LEKR1: variants seen among roughly 807,000 people sequenced by gnomAD.
LEKR1 encodes the protein leucine, glutamate and lysine rich 1.
Under a neutral mutation model 72.4 loss-of-function variants are expected in LEKR1, and 59 were observed. The ratio of observed to expected loss-of-function variants is 0.82; its 90% confidence interval spans 0.66 to 1.01. The LOEUF is 1.01. LEKR1 is among the 50% of genes least tolerant of loss of function. The pLI is 0.00. For synonymous variants in LEKR1, 257 were observed against 263.2 expected (o/e 0.98, Z 0.23); for missense variants, 728 against 759.2 (o/e 0.96, Z 0.48).
intron 3 of LEKR1, among the ~76,000 whole-genome samples, chr3:156,875,600 C>G (rs939995191): frequency 1.3e-5 from 2 of 152,100 alleles, no homozygotes; most frequent in African/African-American, 4.8e-5. Context: ...AACTTAATGA[C>G]TACACCAACA....
intron 3 of LEKR1, among the ~76,000 whole-genome samples, chr3:156,917,979 T>C (rs540365269): frequency 6.6e-6 from 1 of 152,144 alleles, no homozygotes; most frequent in East Asian, 1.9e-4. Context: ...TGTCTGAAGG[T>C]GTCAGGAGAA....
chr3:156,916,275 A>G (rs1227783202), intron 3 of LEKR1, among the ~76,000 whole-genome samples: 1 of 152,058 alleles, frequency 6.6e-6, no homozygotes, highest in Non-Finnish European at 1.5e-5. Context: ...GTATTTTAAA[A>G]TAGTTTTTTT....
intron 5 of LEKR1, among the ~76,000 whole-genome samples, chr3:156,940,642 T>G (rs1266470058): frequency 6.6e-6 from 1 of 152,218 alleles, no homozygotes; most frequent in Non-Finnish European, 1.5e-5. Flanking sequence ...TTGAGTTTAC[T>G]TTTTCCTAAC....
At chr3:156,859,390 T>G (rs1377376495) in intron 3 of LEKR1, among the ~76,000 whole-genome samples, 1 of 152,234 alleles carries the variant, frequency 6.6e-6, no homozygotes, top group Non-Finnish European at 1.5e-5. Flanking sequence ...AAATTATAGT[T>G]TGTATCTTTA....
intron 10 of LEKR1, among the ~76,000 whole-genome samples, chr3:157,015,178 T>C (rs1483599050): frequency 6.6e-6 from 1 of 152,152 alleles, no homozygotes; most frequent in Non-Finnish European, 1.5e-5. Context: ...CTTGTCAGAT[T>C]CTTTGAGTTG....
chr3:156,853,076 A>G (rs1715595581), intron 3 of LEKR1, 94 bp downstream of exon 3: 1 of 743,824 alleles, frequency 1.3e-6, no homozygotes, highest in African/African-American at 1.8e-5. Flanking sequence ...ATTTCTCTAC[A>G]TCAGGTATAG....
At chr3:157,003,133 A>G (rs1732141121) in intron 9 of LEKR1, among the ~76,000 whole-genome samples, 1 of 152,206 alleles carries the variant, frequency 6.6e-6, no homozygotes, top group South Asian at 2.1e-4. Context: ...AGGAAACCTA[A>G]TTTAAGAAAT....
chr3:156,851,330 A>G (rs530922837), intron 2 of LEKR1: 2 of 152,328 alleles, frequency 1.3e-5, no homozygotes, highest in East Asian at 1.9e-4. Context: ...ACTGGTGCAC[A>G]CTTCAGGGAG....
intron 9 of LEKR1, among the ~76,000 whole-genome samples, chr3:157,001,347 G>C (rs1015612364): frequency 2.6e-5 from 4 of 152,152 alleles, no homozygotes; most frequent in African/African-American, 9.7e-5. Context: ...TTTAACAGAG[G>C]CAGGAGTTGT....
chr3:157,014,073 T>C (rs573248193), intron 10 of LEKR1, among the ~76,000 whole-genome samples: 12 of 152,216 alleles, frequency 7.9e-5, no homozygotes, highest in Non-Finnish European at 1.0e-4. Flanking sequence ...AGCAAATTAA[T>C]GTGGATGCTG....
Position 157,020,174 on chromosome 3 carries a change from C to T in LEKR1, c.1204-4586C>T, listed in dbSNP as rs1021043432. On this transcript the variant is annotated intron_variant, in intron 10 of 12. Transcript: ENST00000356539. ...AACTCGAGTAAAACAGAACATTCAG[C>T]TCATTCAAGCCATCAGCCATCACCT... is the stretch of plus-strand genomic sequence containing the variant. Among the ~76,000 whole-genome samples the T allele has an allele frequency of 7.9e-5, 12 of 151,910 alleles. 1 individual carries two copies. The highest frequency in any genetic ancestry group is 1.6e-4 in the Non-Finnish European group (11 of 67,994).
At chr3:157,040,141 G>T (rs951299538) in intron 12 of LEKR1, among the ~76,000 whole-genome samples, 4 of 152,196 alleles carry the variant, frequency 2.6e-5, no homozygotes, top group Non-Finnish European at 5.9e-5. Context: ...TTGACAGAAT[G>T]AGAAGATATA....
chr3:156,935,079 C>CAAG, intron 5 of LEKR1, among the ~76,000 whole-genome samples: 1 of 152,020 alleles, frequency 6.6e-6, no homozygotes, highest in South Asian at 2.1e-4. Flanking sequence ...GCCCATTTTG[C>CAAG]TTTTCATTTG....
chr3:156,932,705 CAAAA>C (rs71141797), intron 5 of LEKR1, among the ~76,000 whole-genome samples: 4 of 99,752 alleles, frequency 4.0e-5, no homozygotes, highest in Non-Finnish European at 3.9e-5. Flanking sequence ...GACTCTGTCT[CAAAA>C]AAAAAAAAAA....
At chr3:156,964,387 C>T (rs1728375412) in intron 6 of LEKR1, among the ~76,000 whole-genome samples, 1 of 152,030 alleles carries the variant, frequency 6.6e-6, no homozygotes, top group Non-Finnish European at 1.5e-5. Context: ...GTTGTTCTCA[C>T]TCTTTTTTAT....
intron 3 of LEKR1, among the ~76,000 whole-genome samples, chr3:156,853,681 A>C (rs989778862): frequency 1.3e-5 from 2 of 152,082 alleles, no homozygotes; most frequent in African/African-American, 4.8e-5. Context: ...TCTTTGGATT[A>C]AATACTTTTA....
chr3:156,987,064 A>T (rs1730757823), intron 7 of LEKR1, among the ~76,000 whole-genome samples: 1 of 151,686 alleles, frequency 6.6e-6, no homozygotes, highest in Non-Finnish European at 1.5e-5. Flanking sequence ...ATTGTATTGT[A>T]TTGTATTGTA....
In LEKR1 at chr3:156,833,098, AGTT is replaced by A. The variant is rs576993432; in HGVS notation, c.48+3725_48+3727del. 1.6e-3 allele frequency among the ~76,000 whole-genome samples: 248 copies of A among 152,346 alleles called. 2 individuals are homozygous for A. The highest frequency in any genetic ancestry group is 5.5e-3 in the African/African-American group (228 of 41,578). On this transcript the variant is annotated intron_variant, in intron 2 of 12. Coordinates refer to ENST00000356539, the MANE Select transcript of LEKR1 (RefSeq NM_001004316.3). ...AAAGCTATAAACAGCTCAAAAGGAA[AGTT>A]GTTATGTGTTTTGACCCTGAAAAAC...
intron 3 of LEKR1, among the ~76,000 whole-genome samples, chr3:156,905,546 C>G (rs1722444857): frequency 6.6e-6 from 1 of 152,092 alleles, no homozygotes; most frequent in African/African-American, 2.4e-5. Flanking sequence ...TGTGCATTCT[C>G]TTTTTGACAT....
Sources: allele counts gnomAD v4.1 joint callset (sites outside exome capture counted in the v4.1 genomes callset), GRCh38; gene constraint gnomAD v4.1.1; transcripts MANE v1.5; gene names NCBI Gene and HGNC (gene_info 2026-07-23, HGNC 2026-07-21).